The following FABP7 variants were observed in gnomAD, a reference collection of about 807,000 sequenced individuals.
FABP7 encodes fatty acid binding protein 7, also known as fatty acid-binding protein, brain.
FABP7 carries 13 observed loss-of-function variants against 14.2 expected under a neutral mutation model. The observed-to-expected ratio is 0.91, with a 90% confidence interval of 0.59 to 1.45. The LOEUF (loss-of-function observed/expected upper bound fraction) is 1.45. FABP7 is among the 40% of genes most tolerant of loss of function. The pLI is 0.00. For synonymous variants in FABP7, 49 were observed against 51.4 expected (o/e 0.95, Z 0.20); for missense variants, 149 against 157.6 (o/e 0.95, Z 0.29).
intron 3 of FABP7, chr6:122,782,523 G>C: frequency 1.0e-6 from 1 of 982,702 alleles, no homozygotes; most frequent in African/African-American, 1.7e-5. Context: ...TCTAATGATG[G>C]AGTAGTATCA....
In FABP7 at chr6:122,781,087, T is replaced by C. The variant is rs1213450934; in HGVS notation, c.247-6T>C. On this transcript the variant is annotated splice_region_variant and splice_polypyrimidine_tract_variant and intron_variant, in intron 2 of 3. Transcript: ENST00000368444. ...GCTATGTTCTGCATTTTGTTGTTGG[T>C]CTCAGTCTGTTGTTAGCCTGGATGG... 2 of 1,609,732 alleles carry C rather than the reference T, an allele frequency of 1.2e-6. No homozygotes were observed. The highest frequency in any genetic ancestry group is 1.3e-5 in the African/African-American group (1 of 74,862).
chr6:122,774,128 C>G, the FABP7 span, among the ~76,000 whole-genome samples: 1 of 151,760 alleles, frequency 6.6e-6, no homozygotes, highest in Non-Finnish European at 1.5e-5. Context: ...TTGGGAGGCC[C>G]AGGAGGGTGG....
At chr6:122,772,314 G>T in the FABP7 span, among the ~76,000 whole-genome samples, 1 of 152,086 alleles carries the variant, frequency 6.6e-6, no homozygotes, top group African/African-American at 2.4e-5. Flanking sequence ...AGCAGGCTAA[G>T]AATGGAATAT....
At chr6:122,768,457 A>G in the FABP7 span, among the ~76,000 whole-genome samples, 1 of 152,188 alleles carries the variant, frequency 6.6e-6, no homozygotes, top group East Asian at 1.9e-4. Flanking sequence ...ATATGTTTTA[A>G]GAAAATATGT....
chr6:122,779,801 G>A lies in FABP7; in HGVS notation c.7G>A (p.Glu3Lys), dbSNP rs1348729890. 1.9e-6 allele frequency: 3 copies of A among 1,614,146 alleles called. No homozygotes were observed. Among genetic ancestry groups the A allele is most frequent in the Non-Finnish European group, 8.5e-7 (1 of 1,180,022 alleles). The part of the protein sequence containing the change: MV[E>K]AFCATWKLTN... ...AAGAGGGGAAAGGGCAAGGATGGTG[G>A]AGGCTTTCTGTGCTACCTGGAAGCT... is the stretch of plus-strand genomic sequence containing the variant. The change falls in exon 1 of 4, where the codon GAG (glutamate) becomes AAG (lysine). Residue 3 changes from glutamate to lysine, a missense_variant. Glu to Lys is a moderately conservative substitution (Grantham distance 56). Transcript: ENST00000368444.
the FABP7 span, among the ~76,000 whole-genome samples, chr6:122,759,948 A>G: frequency 3.3e-5 from 5 of 152,100 alleles, no homozygotes; most frequent in South Asian, 8.3e-4. Context: ...GTGAAACCCC[A>G]TCTCTACTAA....
In FABP7 at chr6:122,783,734, T is replaced by G. The variant is rs1486412525; in HGVS notation, c.366T>G (p.Asp122Glu). The change falls in exon 4 of 4, where the codon GAT becomes GAG. Residue 122 changes from aspartate to glutamate, a missense_variant. Physicochemically the swap from Asp to Glu is conservative, Grantham distance 45 (BLOSUM62 2). Coordinates refer to ENST00000368444, the MANE Select transcript of FABP7 (RefSeq NM_001446.5). ...GKMVMTLTFGDVVAVRHYEKA is the reference protein window; with the variant it reads ...GKMVMTLTFGEVVAVRHYEKA The stretch of plus-strand genomic sequence containing the variant: ...CCTTGCAGACCCTTACTTTTGGTGA[T>G]GTGGTTGCTGTTCGCCACTATGAGA... 1 of 1,607,124 alleles carries G rather than the reference T, an allele frequency of 6.2e-7. No individual in the cohort carries two copies. The highest frequency in any genetic ancestry group is 1.3e-5 in the African/African-American group (1 of 74,564).
the FABP7 span, among the ~76,000 whole-genome samples, chr6:122,771,094 TCTC>T: frequency 6.6e-6 from 1 of 152,182 alleles, no homozygotes; most frequent in Admixed American, 6.6e-5. Context: ...TGAGCAAAGC[TCTC>T]ATTTCTAGGC....
At chr6:122,774,285 C>G in the FABP7 span, among the ~76,000 whole-genome samples, 1 of 137,722 alleles carries the variant, frequency 7.3e-6, no homozygotes, top group African/African-American at 2.8e-5. Context: ...TTGCTTGAAC[C>G]TGAAAGGTGG....
the FABP7 span, among the ~76,000 whole-genome samples, chr6:122,767,038 G>C: frequency 6.6e-6 from 1 of 151,864 alleles, no homozygotes; most frequent in African/African-American, 2.4e-5. Context: ...AATTATCTAA[G>C]AATAAATCTT....
At chr6:122,780,798 G>C (rs754946506) in intron 2 of FABP7, among the ~76,000 whole-genome samples, 2 of 152,212 alleles carry the variant, frequency 1.3e-5, no homozygotes, top group Non-Finnish European at 2.9e-5. Context: ...TGACTAAATA[G>C]ACAGTTTGCC....
the FABP7 span, among the ~76,000 whole-genome samples, chr6:122,754,737 T>C: frequency 2.0e-5 from 3 of 151,682 alleles, no homozygotes; most frequent in Non-Finnish European, 4.4e-5. Flanking sequence ...CCGTCCCCAC[T>C]TGTTAGCCTA....
In FABP7 at chr6:122,779,759, C is replaced by T. The variant is rs771814419; in HGVS notation, c.-36C>T. 1.9e-6 allele frequency: 3 copies of T among 1,606,116 alleles called. No individual in the cohort carries two copies. Among genetic ancestry groups the T allele is most frequent in the African/African-American group, 2.7e-5 (2 of 74,752 alleles). On this transcript the variant is annotated 5_prime_UTR_variant, in exon 1 of 4. Coordinates refer to ENST00000368444, the MANE Select transcript of FABP7 (RefSeq NM_001446.5). ...TGCAGTGGCAATTAGACCAGAAGATCCCCGCTCCTGTCTCTAAAGAGGGGA... is the reference window on the plus strand; with the variant it reads ...TGCAGTGGCAATTAGACCAGAAGATTCCCGCTCCTGTCTCTAAAGAGGGGA...
At chr6:122,775,242 A>G (rs540556523), upstream of FABP7, among the ~76,000 whole-genome samples, 1 of 152,286 alleles carries the variant, frequency 6.6e-6, no homozygotes, top group South Asian at 2.1e-4. Context: ...TGGAAGCATC[A>G]CATTACCTGA....
At position 122,783,846 on chromosome 6, in the gene FABP7, T is replaced by C. The variant is rs1780855442; in HGVS notation, c.*79T>C. ...GTCTCAGTGCTATCCTATTACAACATGGCTGATCATTAATTAGAAGGTTAT... is the reference window on the plus strand; with the variant it reads ...GTCTCAGTGCTATCCTATTACAACACGGCTGATCATTAATTAGAAGGTTAT... On this transcript the variant is annotated 3_prime_UTR_variant, in exon 4 of 4. Transcript: ENST00000368444. 4 of 1,122,598 alleles carry C rather than the reference T, an allele frequency of 3.6e-6. No individual in the cohort carries two copies. The highest frequency in any genetic ancestry group is 2.9e-5 in the South Asian group (2 of 68,484). 69.5% of individuals were successfully genotyped at this position (1,122,598 alleles called of 1,614,324 possible).
the FABP7 span, among the ~76,000 whole-genome samples, chr6:122,759,123 T>A: frequency 2.0e-5 from 3 of 152,244 alleles, no homozygotes; most frequent in Non-Finnish European, 4.4e-5. Context: ...CTCCCATTCA[T>A]TAATTTATTC....
chr6:122,776,886 C>G (rs1271554931), upstream of FABP7, among the ~76,000 whole-genome samples: 2 of 152,134 alleles, frequency 1.3e-5, no homozygotes, highest in South Asian at 4.1e-4. Context: ...AACATGTATT[C>G]TTTTCTGCCT....
chr6:122,755,544 C>T, the FABP7 span, among the ~76,000 whole-genome samples: 1 of 150,858 alleles, frequency 6.6e-6, no homozygotes, highest in Non-Finnish European at 1.5e-5. Flanking sequence ...AGCTCTGCCT[C>T]CCGGGTTCAC....
At chr6:122,774,469 T>C in the FABP7 span, among the ~76,000 whole-genome samples, 2 of 151,968 alleles carry the variant, frequency 1.3e-5, no homozygotes, top group African/African-American at 2.4e-5. Context: ...AGTCTCTGCT[T>C]TTTCACTTTA....
Sources: allele counts gnomAD v4.1 joint callset (sites outside exome capture counted in the v4.1 genomes callset), GRCh38; gene constraint gnomAD v4.1.1; transcripts MANE v1.5; gene names NCBI Gene and HGNC (gene_info 2026-07-23, HGNC 2026-07-21).